ANKFN1: variants seen among roughly 807,000 people sequenced by gnomAD.
ANKFN1 encodes ankyrin repeat and fibronectin type-III domain-containing protein 1.
Under a neutral mutation model 108.7 loss-of-function variants are expected in ANKFN1, and 74 were observed. The ratio of observed to expected loss-of-function variants is 0.68; its 90% CI spans 0.56 to 0.83. The LOEUF (loss-of-function observed/expected upper bound fraction) is 0.83. ANKFN1 is among the 40% of genes least tolerant of loss of function. The pLI is 0.00. For synonymous variants in ANKFN1, 547 were observed against 516.2 expected, an observed-to-expected ratio of 1.06 and a Z score of -0.81; for missense variants, 1,505 against 1,382.3, an observed-to-expected ratio of 1.09 and a Z score of -1.41.
intron 11 of ANKFN1, among the ~76,000 whole-genome samples, chr17:56,451,182 A>G (rs2049472929): frequency 6.6e-6 from 1 of 152,180 alleles, no homozygotes; most frequent in South Asian, 2.1e-4. Flanking sequence ...TAGAAATTTA[A>G]AATATACTTT....
At chr17:56,146,401 C>T (rs1291701749) in intron 4 of ANKFN1, among the ~76,000 whole-genome samples, 1 of 152,172 alleles carries the variant, frequency 6.6e-6, no homozygotes, top group Non-Finnish European at 1.5e-5. Context: ...GGGCTCCAAC[C>T]CTACATTTTT....
At chr17:56,495,999 T>A (rs1431314150) in intron 19 of ANKFN1, among the ~76,000 whole-genome samples, 1 of 152,124 alleles carries the variant, frequency 6.6e-6, no homozygotes, top group Non-Finnish European at 1.5e-5. Flanking sequence ...CTTTCTTTTT[T>A]AAAATGTGTC....
intron 8 of ANKFN1, among the ~76,000 whole-genome samples, chr17:56,394,323 G>A (rs540586030): frequency 6.6e-6 from 1 of 152,242 alleles, no homozygotes; most frequent in African/African-American, 2.4e-5. Flanking sequence ...TTTCTGCAAA[G>A]GTGATTATGT....
intron 4 of ANKFN1, among the ~76,000 whole-genome samples, chr17:56,144,105 T>TTGGATCCC (rs150626498): frequency 0.011 from 1,609 of 146,672 alleles, 27 homozygotes; most frequent in African/African-American, 0.039. Context: ...TTGTTCATCT[T>TTGGATCCC]TGGATCCCTC....
intron 4 of ANKFN1, among the ~76,000 whole-genome samples, chr17:56,121,603 A>G (rs1373983129): frequency 6.6e-6 from 1 of 151,918 alleles, no homozygotes; most frequent in Non-Finnish European, 1.5e-5. Context: ...TGAAATACGT[A>G]CAGAGGGAGA....
intron 4 of ANKFN1, among the ~76,000 whole-genome samples, chr17:56,147,822 G>C (rs1449660360): frequency 6.6e-6 from 1 of 152,188 alleles, no homozygotes; most frequent in African/African-American, 2.4e-5. Flanking sequence ...TGGAAACAGA[G>C]AGGTTATGGG....
intron 4 of ANKFN1, among the ~76,000 whole-genome samples, chr17:56,049,116 A>G (rs1041041806): frequency 1.3e-5 from 2 of 152,026 alleles, no homozygotes; most frequent in African/African-American, 4.8e-5. Flanking sequence ...TGTGGGGACA[A>G]TTTTTTCAAG....
intron 4 of ANKFN1, among the ~76,000 whole-genome samples, chr17:56,338,072 G>A (rs950104986): frequency 3.9e-5 from 6 of 152,188 alleles, no homozygotes; most frequent in African/African-American, 1.2e-4. Context: ...ATCAATGATA[G>A]ACTGGATTAA....
At chr17:56,480,551 T>G (rs1441043683) in intron 16 of ANKFN1, 117 bp from the exon 17 acceptor site, 1 of 1,076,662 alleles carries the variant, frequency 9.3e-7, no homozygotes, top group Admixed American at 2.3e-5. Flanking sequence ...TGAATTACAC[T>G]GAGTTTTAAC....
intron 3 of ANKFN1, among the ~76,000 whole-genome samples, chr17:56,250,944 G>A (rs777387110): frequency 1.1e-4 from 16 of 152,092 alleles, no homozygotes; most frequent in Non-Finnish European, 1.5e-4. Context: ...ATATAATCTC[G>A]TTAACAGCAA....
At chr17:56,168,281 G>A (rs1910349731) in intron 1 of ANKFN1, among the ~76,000 whole-genome samples, 1 of 150,104 alleles carries the variant, frequency 6.7e-6, no homozygotes, top group Non-Finnish European at 1.5e-5. Context: ...AAAGGCTGAT[G>A]AGGATAATAA....
intron 3 of ANKFN1, among the ~76,000 whole-genome samples, chr17:56,231,156 A>AT (rs907629599): frequency 4.6e-5 from 7 of 151,612 alleles, no homozygotes; most frequent in Non-Finnish European, 7.4e-5. Flanking sequence ...TTTTTTCTTC[A>AT]TTTTTTTTCC....
At chr17:56,458,541 T>C (rs2049792586) in intron 14 of ANKFN1, among the ~76,000 whole-genome samples, 1 of 152,166 alleles carries the variant, frequency 6.6e-6, no homozygotes, top group Non-Finnish European at 1.5e-5. Context: ...TGATTTATCC[T>C]TCCATATTCT....
At chr17:56,482,664 T>C (rs1486538225) in intron 18 of ANKFN1, 140 bp downstream of exon 18, 2 of 992,606 alleles carry the variant, frequency 2.0e-6, no homozygotes, top group East Asian at 5.4e-5. Context: ...CCTAGAACTG[T>C]GTACAAGTCT....
chr17:56,303,588 T>C (rs1449564714), intron 3 of ANKFN1, among the ~76,000 whole-genome samples: 2 of 152,204 alleles, frequency 1.3e-5, no homozygotes, highest in African/African-American at 4.8e-5. Context: ...TCACAGTGGA[T>C]CAACTTTTTA....
chr17:56,238,652 T>A (rs1917345995), intron 3 of ANKFN1, among the ~76,000 whole-genome samples: 1 of 152,184 alleles, frequency 6.6e-6, no homozygotes, highest in East Asian at 1.9e-4. Flanking sequence ...CCTCCATCCC[T>A]TTATTTTGAG....
In ANKFN1 at chr17:56,460,902, A is replaced by G. The variant is rs1319290124; in HGVS notation, c.1557+2923A>G. Among the ~76,000 whole-genome samples, 3 of 152,132 alleles carry G rather than the reference A, an allele frequency of 2.0e-5. No homozygotes were observed. The East Asian group carries it at 5.8e-4, about 29-fold the overall frequency. On this transcript the variant is annotated intron_variant, in intron 14 of 20. Coordinates refer to ENST00000682825, the MANE Select transcript of ANKFN1 (RefSeq NM_001370326.1). ...ATCCCCTTTCTCCACTGACATCTCC[A>G]TTTCCTACCAGTTCTCAAACCTCTC...
At chr17:56,094,870 A>C (rs1006652239) in intron 4 of ANKFN1, among the ~76,000 whole-genome samples, 3 of 150,748 alleles carry the variant, frequency 2.0e-5, no homozygotes, top group African/African-American at 7.3e-5. Flanking sequence ...GGACTTAATG[A>C]GACTGTGCAC....
chr17:56,339,938 C>A (rs2045917705), intron 4 of ANKFN1, among the ~76,000 whole-genome samples: 1 of 152,230 alleles, frequency 6.6e-6, no homozygotes, highest in Non-Finnish European at 1.5e-5. Flanking sequence ...ATAAGTGTTC[C>A]TTTTCCTCCA....
Sources: allele counts gnomAD v4.1 joint callset (sites outside exome capture counted in the v4.1 genomes callset), GRCh38; gene constraint gnomAD v4.1.1; transcripts MANE v1.5; gene names NCBI Gene and HGNC (gene_info 2026-07-23, HGNC 2026-07-21).